The following MMUT variants were observed in gnomAD, a reference collection of about 807,000 sequenced individuals.
The protein encoded by MMUT is methylmalonyl-CoA mutase, mitochondrial.
A neutral mutation model predicts 79.9 loss-of-function variants in MMUT; 79 were observed. The ratio of observed to expected loss-of-function variants is 0.99; its 90% confidence interval spans 0.82 to 1.19. The LOEUF (loss-of-function observed/expected upper bound fraction) is 1.19, where lower values mean the gene tolerates loss of function less well. Among genes scored for constraint, MMUT ranks in the 50% most tolerant of loss-of-function variants. The pLI, the probability that MMUT is intolerant of heterozygous loss-of-function variation, is 0.00. For missense variants in MMUT, 860 were observed against 917.2 expected, an observed-to-expected ratio of 0.94 and a Z score of 0.81; for synonymous variants, 273 against 295.7, an observed-to-expected ratio of 0.92 and a Z score of 0.79.
rs750567657 is a variant in MMUT, at chr6:49,456,226, T to G, written c.765A>C (p.Lys255Asn). 9.3e-6 allele frequency: 15 copies of G among 1,610,154 alleles called. No homozygotes were observed. Among genetic ancestry groups the G allele is most frequent in the Non-Finnish European group, 1.3e-5 (15 of 1,176,722 alleles). ...IFEYTAKHMP[K>N]FNSISISGYH... ...ATCCACTAATTGAAATTGAATTAAATTTTGGCATGTGCTACATAAAAAAAA... is the reference window on the plus strand; with the variant it reads ...ATCCACTAATTGAAATTGAATTAAAGTTTGGCATGTGCTACATAAAAAAAA... The change falls in exon 4 of 13, where the codon AAA (lysine) becomes AAC (asparagine). Residue 255 changes from lysine to asparagine, a missense_variant. Coordinates refer to ENST00000274813, the MANE Select transcript of MMUT (RefSeq NM_000255.4).
chr6:49,440,463 A>C, intron 10 of MMUT, 110 bp from the exon 11 acceptor site: 1 of 1,193,502 alleles, frequency 8.4e-7, no homozygotes, highest in Non-Finnish European at 1.2e-6. Context: ...AAAAGCACCT[A>C]ATTTGTTTAC....
At position 49,431,813 on chromosome 6, in the gene MMUT, C is replaced by T. The variant is rs755077681; in HGVS notation, c.2168G>A (p.Gly723Asp). 4 of 1,613,716 alleles carry T rather than the reference C, an allele frequency of 2.5e-6. No individual in the cohort carries two copies. In the South Asian group the frequency reaches 4.4e-5, roughly 18 times the overall value. Residue 723 changes from glycine (G) to aspartate (D), a missense_variant, in exon 13 of 13, where the codon GGT becomes GAT. Coordinates refer to ENST00000274813, the MANE Select transcript of MMUT (RefSeq NM_000255.4). Reference protein sequence around the residue: ...LFEVGVSNVFGPGTRIPKAAV... With the variant: ...LFEVGVSNVFDPGTRIPKAAV... ...AGCCTTTGGAATTCGAGTCCCAGGA[C>T]CAAATACATTGGAAACACCAACTTC...
chr6:49,432,219 A>G (rs555342697), intron 12 of MMUT, among the ~76,000 whole-genome samples: 6 of 152,224 alleles, frequency 3.9e-5, no homozygotes, highest in East Asian at 1.9e-4. Context: ...GTATGATGTG[A>G]TAAGTTTGAG....
intron 6 of MMUT, among the ~76,000 whole-genome samples, chr6:49,449,571 C>A (rs568158733): frequency 5.3e-5 from 8 of 152,064 alleles, no homozygotes; most frequent in Non-Finnish European, 1.2e-4. Flanking sequence ...TTACTGTCTA[C>A]AGAAAATGAA....
Position 49,459,104 on chromosome 6 carries a change from C to T in MMUT, c.363G>A (p.Lys121=), listed in dbSNP as rs772753347. 54 of 1,613,898 alleles carry T rather than the reference C, an allele frequency of 3.3e-5. No individual in the cohort carries two copies. Among genetic ancestry groups the T allele is most frequent in the Non-Finnish European group, 4.3e-5 (51 of 1,179,976 alleles). ...CACCCTTAATGTTGTCCTTATAGAA[C>T]TTATTGCTTTCTTCCACAGTACTAA... ...AGFSTVEESN[K]FYKDNIKAGQ... The change falls in exon 2 of 13, where the codon AAG becomes AAA. Residue 121 remains lysine (K), a synonymous_variant. Coordinates refer to ENST00000274813, the MANE Select transcript of MMUT (RefSeq NM_000255.4).
Position 49,440,192 on chromosome 6 carries a change from A to C in MMUT, c.1956+14T>G, listed in dbSNP as rs761752507. The C allele has an allele frequency of 1.2e-6, 2 of 1,613,874 alleles. No homozygotes were observed. Among genetic ancestry groups the C allele is most frequent in the Non-Finnish European group, 1.7e-6 (2 of 1,179,858 alleles). On this transcript the variant is annotated intron_variant, in intron 11 of 12. Coordinates refer to ENST00000274813, the MANE Select transcript of MMUT (RefSeq NM_000255.4). The stretch of plus-strand genomic sequence containing the variant: ...GTAAATACTTTTGAAATTCCCCCCA[A>C]CAGTTTTTAGTACCTGGAAAAGAGG...
At chr6:49,461,438 T>C (rs983841209) in intron 1 of MMUT, among the ~76,000 whole-genome samples, 4 of 152,194 alleles carry the variant, frequency 2.6e-5, no homozygotes, top group Non-Finnish European at 5.9e-5. Context: ...CAGGTTCAAC[T>C]ATGTAAAAAG....
intron 1 of MMUT, 105 bp downstream of exon 1, chr6:49,462,993 GAAGTA>G (rs984347801): frequency 3.9e-5 from 6 of 152,530 alleles, no homozygotes; most frequent in Non-Finnish European, 7.3e-5. Flanking sequence ...AAAGAAGACA[GAAGTA>G]AAGGACAGAG....
chr6:49,451,602 A>G lies in MMUT; in HGVS notation c.1196T>C (p.Val399Ala). Reference sequence around the variant, plus strand: ...GTTCCTGGCAATTCGAGCACTTTTCACAGTTGGCAAACCCAAAGCTTCATC... The same window carrying G: ...GTTCCTGGCAATTCGAGCACTTTTCGCAGTTGGCAAACCCAAAGCTTCATC... ...SFDEALGLPT[V>A]KSARIARNTQ... The change falls in exon 6 of 13, where the codon GTG (valine) becomes GCG (alanine). Residue 399 changes from valine to alanine, a missense_variant. Transcript: ENST00000274813. 6.2e-7 allele frequency: 1 copy of G among 1,614,138 alleles called. No individual in the cohort carries two copies. The highest frequency in any genetic ancestry group is 1.7e-5 in the Admixed American group (1 of 60,014).
intron 8 of MMUT, 144 bp downstream of exon 8, chr6:49,447,526 T>C (rs1271540243): frequency 1.6e-6 from 1 of 613,758 alleles, no homozygotes; most frequent in Non-Finnish European, 2.9e-6. Context: ...TTATCTTTAG[T>C]TCCCTTACAT....
In MMUT at chr6:49,459,467, G is replaced by A. The variant is rs758525629; in HGVS notation, c.-1C>T. 1.2e-6 allele frequency: 2 copies of A among 1,609,768 alleles called. No individual in the cohort carries two copies. The highest frequency in any genetic ancestry group is 1.1e-5 in the South Asian group (1 of 90,994). Reference sequence around the variant, plus strand: ...AAAGCTGATTCTTAGCTCTTAACATGGTGGAGCATGGAAACACCCAATAGA... The same window carrying A: ...AAAGCTGATTCTTAGCTCTTAACATAGTGGAGCATGGAAACACCCAATAGA... On this transcript the variant is annotated 5_prime_UTR_variant, in exon 2 of 13. Transcript: ENST00000274813.
At chr6:49,448,742 C>T in intron 7 of MMUT, 74 bp downstream of exon 7, 2 of 1,250,860 alleles carry the variant, frequency 1.6e-6, no homozygotes, top group Non-Finnish European at 2.3e-6. Context: ...GTTAACTATA[C>T]ATGTTATCTT....
At chr6:49,452,551 T>C (rs562859263) in intron 5 of MMUT, among the ~76,000 whole-genome samples, 1 of 152,274 alleles carries the variant, frequency 6.6e-6, no homozygotes, top group African/African-American at 2.4e-5. Context: ...GCCAGGATGA[T>C]CTTGATCTCC....
chr6:49,441,677 T>C (rs980816709), intron 10 of MMUT, among the ~76,000 whole-genome samples, 163 bp downstream of exon 10: 2 of 146,714 alleles, frequency 1.4e-5, no homozygotes, highest in African/African-American at 5.1e-5. Context: ...TACTCTATTA[T>C]ATGTTATATA....
chr6:49,445,004 C>A (rs565597757), intron 8 of MMUT, among the ~76,000 whole-genome samples: 100 of 151,868 alleles, frequency 6.6e-4, no homozygotes, highest in African/African-American at 2.3e-3. Context: ...ACATGAAGGG[C>A]AATAATAGTG....
intron 12 of MMUT, among the ~76,000 whole-genome samples, chr6:49,433,990 T>C (rs1439266447): frequency 1.3e-5 from 2 of 152,194 alleles, no homozygotes; most frequent in Non-Finnish European, 2.9e-5. Context: ...ATCCAGAGAA[T>C]TAATACAACT....
chr6:49,448,198 A>C (rs915584907), intron 7 of MMUT, among the ~76,000 whole-genome samples: 1 of 152,050 alleles, frequency 6.6e-6, no homozygotes, highest in Non-Finnish European at 1.5e-5. Context: ...CTATTAGTAA[A>C]TCAAAATTAC....
intron 8 of MMUT, among the ~76,000 whole-genome samples, chr6:49,445,012 G>A (rs1335419690): frequency 1.3e-5 from 2 of 151,356 alleles, no homozygotes; most frequent in Non-Finnish European, 2.9e-5. Context: ...GGCAATAATA[G>A]TGCTGACCTT....
rs146257268 is a variant in MMUT, at chr6:49,430,635, T to C, written c.*1093A>G. On this transcript the variant is annotated 3_prime_UTR_variant, in exon 13 of 13. Coordinates refer to ENST00000274813, the MANE Select transcript of MMUT (RefSeq NM_000255.4). ...CTACAGTAATGTATCTATAATACTTTCCAAAAGACTGCTCTCTGATCTAAT... is the reference window on the plus strand; with the variant it reads ...CTACAGTAATGTATCTATAATACTTCCCAAAAGACTGCTCTCTGATCTAAT... The C allele has an allele frequency of 1.3e-5, 2 of 152,280 alleles. No homozygotes were observed. Among genetic ancestry groups the C allele is most frequent in the Admixed American group, 6.5e-5 (1 of 15,296 alleles). The allele number at this position is 152,280 out of a possible 1,614,324, so 9.4% of individuals were successfully genotyped here. A position where few individuals can be genotyped will look rare whatever the true frequency, so the allele number is the denominator to read the frequency against.
Sources: gnomAD v4.1 joint callset for allele counts (sites outside exome capture counted in the v4.1 genomes callset) on GRCh38, gnomAD v4.1.1 for gene constraint, MANE v1.5 for transcripts, NCBI Gene and HGNC (gene_info 2026-07-23, HGNC 2026-07-21) for gene names.